FBXO32: variants seen among roughly 807,000 people sequenced by gnomAD.
The protein encoded by FBXO32 is F-box only protein 32.
FBXO32 carries 15 observed loss-of-function variants against 48.3 expected under a neutral mutation model. The observed-to-expected ratio is 0.31, with a 90% CI of 0.21 to 0.48. FBXO32 has a LOEUF of 0.48. Among genes scored for constraint, FBXO32 ranks in the 20% least tolerant of loss-of-function variants. The probability of loss-of-function intolerance (pLI) is 0.99; values close to 1 mark genes in which losing one functional copy is unlikely to be tolerated. For missense variants in FBXO32, 309 were observed against 432.7 expected (o/e 0.71, Z 2.54); for synonymous variants, 154 against 165.9 (o/e 0.93, Z 0.55).
chr8:123,504,971 A>C lies in FBXO32; in HGVS notation c.835-224T>G, dbSNP rs55994600. Among the ~76,000 whole-genome samples the C allele has an allele frequency of 0.1, 15,146 of 152,166 alleles. 1,046 individuals are homozygous for C. Among genetic ancestry groups the C allele is most frequent in the Admixed American group, 0.22 (3,308 of 15,280 alleles). ...TAAAAAACAACAACAACAACAACAA[A>C]AAAACCAGGTGGCTGGTGACATGTT... On this transcript the variant is annotated intron_variant, in intron 7 of 8. Coordinates refer to ENST00000517956, the MANE Select transcript of FBXO32 (RefSeq NM_058229.4).
At position 123,514,450 on chromosome 8, in the gene FBXO32, A is replaced by C. The variant is rs1816798430; in HGVS notation, c.373-117T>G. ...AGACTGACGGGGAGAGATAAATGGC[A>C]GGCAGGGCCACAATGCAATAAAAAG... On this transcript the variant is annotated intron_variant, in intron 4 of 8. Coordinates refer to ENST00000517956, the MANE Select transcript of FBXO32 (RefSeq NM_058229.4). 21 of 609,460 alleles carry C rather than the reference A, an allele frequency of 3.4e-5. No homozygotes were observed. The South Asian group carries it at 6.0e-4, about 18-fold the overall frequency. 37.8% of individuals were successfully genotyped at this position (609,460 alleles called of 1,614,324 possible).
At chr8:123,515,321 C>T (rs910341123) in intron 4 of FBXO32, among the ~76,000 whole-genome samples, 17 of 152,160 alleles carry the variant, frequency 1.1e-4, no homozygotes, top group Admixed American at 2.6e-4. Context: ...CTGCAACCTC[C>T]GCCTCCCAGG....
intron 4 of FBXO32, among the ~76,000 whole-genome samples, chr8:123,527,589 G>T (rs189253271): frequency 6.6e-6 from 1 of 152,088 alleles, no homozygotes; most frequent in Non-Finnish European, 1.5e-5. Flanking sequence ...TTGCAAATAG[G>T]CTAATCTCTG....
intron 4 of FBXO32, among the ~76,000 whole-genome samples, chr8:123,524,587 G>A (rs967532152): frequency 3.3e-5 from 5 of 152,178 alleles, no homozygotes; most frequent in African/African-American, 1.2e-4. Flanking sequence ...CCAGGTTGCA[G>A]GATGGTGGCA....
chr8:123,535,680 C>T (rs1817295838), intron 1 of FBXO32, among the ~76,000 whole-genome samples: 1 of 152,120 alleles, frequency 6.6e-6, no homozygotes, highest in East Asian at 1.9e-4. Context: ...TACAATGTAA[C>T]TTCAAAGTAA....
At chr8:123,516,628 G>A (rs1246966251) in intron 4 of FBXO32, among the ~76,000 whole-genome samples, 1 of 152,166 alleles carries the variant, frequency 6.6e-6, no homozygotes, top group African/African-American at 2.4e-5. Flanking sequence ...TCCCCGTGGA[G>A]CTCTTTAGGA....
At chr8:123,522,661 G>A (rs1307575505) in intron 4 of FBXO32, among the ~76,000 whole-genome samples, 1 of 152,024 alleles carries the variant, frequency 6.6e-6, no homozygotes, top group Non-Finnish European at 1.5e-5. Flanking sequence ...ATGTCACATC[G>A]CCATTGGCCC....
chr8:123,520,592 A>G (rs1188970469), intron 4 of FBXO32, among the ~76,000 whole-genome samples: 11 of 152,200 alleles, frequency 7.2e-5, no homozygotes. Flanking sequence ...CAGAGCGGAT[A>G]TCAACCAAAG....
In FBXO32 at chr8:123,506,488, C is replaced by T. The variant is rs768307039; in HGVS notation, c.738G>A (p.Leu246=). 5 of 1,613,914 alleles carry T rather than the reference C, an allele frequency of 3.1e-6. No individual in the cohort carries two copies. The highest frequency in any genetic ancestry group is 3.3e-5 in the Admixed American group (2 of 60,006). ...CGGGGGCAGCCTGGCCCAGGCTGACCAGGTCCCGCCCGTCGCTCAGCCTCT... is the reference window on the plus strand; with the variant it reads ...CGGGGGCAGCCTGGCCCAGGCTGACTAGGTCCCGCCCGTCGCTCAGCCTCT... The part of the protein sequence containing the change: ...IMQRLSDGRD[L]VSLGQAAPDL... Residue 246 remains leucine, a synonymous_variant, in exon 7 of 9, where the codon CTG becomes CTA. Transcript: ENST00000517956. The surrounding 1 kb of genome is among the most constrained non-coding windows in gnomAD (Gnocchi z 4.0).
At chr8:123,523,626 CA>C (rs58902376) in intron 4 of FBXO32, among the ~76,000 whole-genome samples, 26,461 of 141,534 alleles carry the variant, frequency 0.19, 2,537 homozygotes, top group East Asian at 0.42. Context: ...ACAACAACAA[CA>C]AACAAACAAA....
chr8:123,515,302 C>G (rs2130520685), intron 4 of FBXO32, among the ~76,000 whole-genome samples: 1 of 152,288 alleles, frequency 6.6e-6, no homozygotes, highest in South Asian at 2.1e-4. Flanking sequence ...ATGGTGCAAT[C>G]TCAGCTTACT....
At position 123,499,577 on chromosome 8, in the gene FBXO32, G is replaced by T. The variant is rs905664424; in HGVS notation, c.*3796C>A. The T allele has an allele frequency of 3.3e-5, 5 of 152,052 alleles. No individual in the cohort carries two copies. The highest frequency in any genetic ancestry group is 1.2e-4 in the African/African-American group (5 of 41,404). The allele number at this position is 152,052 out of a possible 1,614,324, so 9.4% of individuals were successfully genotyped here. A position where few individuals can be genotyped will look rare whatever the true frequency, so the allele number is the denominator to read the frequency against. On this transcript the variant is annotated 3_prime_UTR_variant, in exon 9 of 9. Transcript: ENST00000517956. ...AATTCACACATAAAATAGAGTGTTT[G>T]CATAGCAAGACATTATTGCCCTTCA...
chr8:123,515,704 CA>C (rs1563921909), intron 4 of FBXO32, among the ~76,000 whole-genome samples: 1 of 151,818 alleles, frequency 6.6e-6, no homozygotes, highest in African/African-American at 2.4e-5. Context: ...GATTAAAAAA[CA>C]AATAAAGGCC....
rs73330046 is a variant in FBXO32 at position 123,501,642 on chromosome 8, A to T, written c.*1731T>A. The T allele has an allele frequency of 6.6e-6, 1 of 152,088 alleles. No homozygotes were observed. The highest frequency in any genetic ancestry group is 2.4e-5 in the African/African-American group (1 of 41,390). 9.4% of individuals were successfully genotyped at this position (152,088 alleles called of 1,614,324 possible). The stretch of plus-strand genomic sequence containing the variant: ...CTGATATGTGGGTTGTGTGCTATTG[A>T]GGGCAGGGGCTGAAGCGGTGTTGTA... On this transcript the variant is annotated 3_prime_UTR_variant, in exon 9 of 9. Coordinates refer to ENST00000517956, the MANE Select transcript of FBXO32 (RefSeq NM_058229.4).
intron 6 of FBXO32, among the ~76,000 whole-genome samples, chr8:123,508,338 G>A (rs1816669957): frequency 8.5e-5 from 13 of 152,182 alleles, no homozygotes; most frequent in Admixed American, 8.5e-4. Flanking sequence ...GTAGGCACGA[G>A]GTGGGGAGGG....
rs1013373969 is a variant in FBXO32, at chr8:123,502,521, C to G, written c.*852G>C. On this transcript the variant is annotated 3_prime_UTR_variant, in exon 9 of 9. Transcript: ENST00000517956. ...TCACTGCAAACCTCAGACTCCTGGGCTCAAGCAATCCTCCCCTGGGACTGT... is the reference window on the plus strand; with the variant it reads ...TCACTGCAAACCTCAGACTCCTGGGGTCAAGCAATCCTCCCCTGGGACTGT... 6.6e-6 allele frequency: 1 copy of G among 152,164 alleles called. No homozygotes were observed. Among genetic ancestry groups the G allele is most frequent in the African/African-American group, 2.4e-5 (1 of 41,428 alleles). The allele number at this position is 152,164 out of a possible 1,614,324, so 9.4% of individuals were successfully genotyped here. A position where few individuals can be genotyped will look rare whatever the true frequency, so the allele number is the denominator to read the frequency against.
intron 4 of FBXO32, among the ~76,000 whole-genome samples, chr8:123,531,468 C>T (rs894169996): frequency 2.0e-5 from 3 of 152,216 alleles, no homozygotes; most frequent in Non-Finnish European, 2.9e-5. Context: ...ACAGTGAGAA[C>T]AGTCAGAGAT....
intron 3 of FBXO32, chr8:123,532,221 C>A: frequency 7.6e-7 from 1 of 1,310,874 alleles, no homozygotes; most frequent in Non-Finnish European, 9.7e-7. Context: ...TCAAACACCC[C>A]CTTTTCGTGA....
At position 123,540,063 on chromosome 8, in the gene FBXO32, G is replaced by GACCTCAGGTTTCCCA. The variant is rs1563928915; in HGVS notation, c.116+835_116+836insTGGGAAACCTGAGGT. Among the ~76,000 whole-genome samples, 9 of 151,958 alleles carry GACCTCAGGTTTCCCA rather than the reference G, an allele frequency of 5.9e-5. No individual in the cohort carries two copies. Among genetic ancestry groups the GACCTCAGGTTTCCCA allele is most frequent in the African/African-American group, 1.9e-4 (8 of 41,358 alleles). ...GAGCGCAGCGGACCTCAGGTTTCCC[G>GACCTCAGGTTTCCCA]CCAGACCACAGAGCTCAGGTGAGGC... On this transcript the variant is annotated intron_variant, in intron 1 of 8. Transcript: ENST00000517956. The surrounding 1 kb of genome is among the most constrained non-coding windows in gnomAD (Gnocchi z 6.4).
Sources: allele counts gnomAD v4.1 joint callset (sites outside exome capture counted in the v4.1 genomes callset), GRCh38; gene constraint gnomAD v4.1.1; non-coding constraint Gnocchi (gnomAD v3.1); transcripts MANE v1.5; gene names NCBI Gene and HGNC (gene_info 2026-07-23, HGNC 2026-07-21).